The following RABL6 variants were observed in gnomAD, a reference collection of about 807,000 sequenced individuals.
RABL6 encodes RAB, member RAS oncogene family like 6.
Under a neutral mutation model 72.9 loss-of-function variants are expected in RABL6, and 28 were observed. The observed-to-expected ratio is 0.38, with a 90% CI of 0.28 to 0.53. The LOEUF (loss-of-function observed/expected upper bound fraction) is 0.53. RABL6 is among the 20% of genes least tolerant of loss of function. The probability of loss-of-function intolerance (pLI) is 0.80; values close to 1 mark genes in which losing one functional copy is unlikely to be tolerated. For synonymous variants in RABL6, 477 were observed against 421.2 expected (o/e 1.13, Z -1.62); for missense variants, 1,029 against 1,008.4 (o/e 1.02, Z -0.28).
intron 2 of RABL6, among the ~76,000 whole-genome samples, 193 bp from the exon 3 acceptor site, chr9:136,825,586 T>G (rs1848338161): frequency 6.6e-6 from 1 of 152,146 alleles, no homozygotes; most frequent in South Asian, 2.1e-4. Flanking sequence ...TCACTGAAGC[T>G]GTGTCTGAGC....
chr9:136,819,045 G>A (rs959477422), intron 1 of RABL6, among the ~76,000 whole-genome samples: 33 of 151,524 alleles, frequency 2.2e-4, no homozygotes, highest in South Asian at 4.2e-4. Context: ...TGTCCAGGCC[G>A]GGCGCGGTGG....
chr9:136,817,156 ACGAGAAGCAG>A (rs1848136799), intron 1 of RABL6, among the ~76,000 whole-genome samples: 1 of 134,920 alleles, frequency 7.4e-6, no homozygotes, highest in East Asian at 2.4e-4. Context: ...GAGAAGCAGC[ACGAGAAGCAG>A]CACTAACTCA....
At chr9:136,824,056 G>C (rs956173225) in intron 2 of RABL6, among the ~76,000 whole-genome samples, 1 of 152,204 alleles carries the variant, frequency 6.6e-6, no homozygotes, top group Non-Finnish European at 1.5e-5. Context: ...TAAGACCTTT[G>C]TTTGAGCCTT....
rs764728707 is a variant in RABL6 at position 136,837,673 on chromosome 9, G to C, written c.1126+11G>C. On this transcript the variant is annotated intron_variant, in intron 9 of 14. Coordinates refer to ENST00000311502, the MANE Select transcript of RABL6 (RefSeq NM_024718.5). ...CCCCTCCACCTCCAGGTAGGCCCTGGAGCTGCCCCTCCCAAACTGGTCCCA... is the reference window on the plus strand; with the variant it reads ...CCCCTCCACCTCCAGGTAGGCCCTGCAGCTGCCCCTCCCAAACTGGTCCCA... 2 of 1,570,600 alleles carry C rather than the reference G, an allele frequency of 1.3e-6. No individual in the cohort carries two copies. The highest frequency in any genetic ancestry group is 1.2e-5 in the South Asian group (1 of 85,406).
intron 1 of RABL6, among the ~76,000 whole-genome samples, chr9:136,817,586 C>CGTGGGCTGAGGGGAGGCCGAT (rs1475374470): frequency 2.6e-5 from 4 of 150,982 alleles, no homozygotes; most frequent in Non-Finnish European, 5.9e-5. Flanking sequence ...GGGAGGCCGA[C>CGTGGGCTGAGGGGAGGCCGAT]GTGGGCTGAG....
At chr9:136,821,284 C>T (rs879530721) in intron 1 of RABL6, 1 of 971,886 alleles carries the variant, frequency 1.0e-6, no homozygotes, top group Non-Finnish European at 1.2e-6. Flanking sequence ...GGAAAACGGG[C>T]GGTCGCTGTG....
chr9:136,823,699 C>A, intron 2 of RABL6, 40 bp downstream of exon 2: 1 of 1,557,780 alleles, frequency 6.4e-7, no homozygotes, highest in Non-Finnish European at 8.7e-7. Context: ...GGGCTCCAGG[C>A]TTCTCCTCCC....
intron 1 of RABL6, among the ~76,000 whole-genome samples, chr9:136,820,200 CAAA>C (rs34975162): frequency 0.042 from 3,261 of 77,860 alleles, 128 homozygotes; most frequent in African/African-American, 0.14. Flanking sequence ...CTCCATCTTC[CAAA>C]AAAAAAAAAA....
rs766655068 is a variant in RABL6 at position 136,823,636 on chromosome 9, C to G, written c.242C>G (p.Thr81Ser). Residue 81 changes from threonine to serine, a missense_variant, in exon 2 of 15, where the codon ACC becomes AGC. Thr to Ser is a moderately conservative substitution (Grantham distance 58, BLOSUM62 1). Transcript: ENST00000311502. ...EYIPTQEIQVTSIHWSYKTTD... is the reference protein window; with the variant it reads ...EYIPTQEIQVSSIHWSYKTTD... ...ATCCCCACACAGGAGATCCAGGTCA[C>G]CAGCATCCACTGGAGCTACAAGAGT... 3.1e-6 allele frequency: 5 copies of G among 1,612,608 alleles called. No individual in the cohort carries two copies. Among genetic ancestry groups the G allele is most frequent in the Non-Finnish European group, 4.2e-6 (5 of 1,179,166 alleles).
intron 5 of RABL6, 116 bp from the exon 6 acceptor site, chr9:136,831,605 G>A (rs1848475088): frequency 4.1e-6 from 6 of 1,448,216 alleles, no homozygotes; most frequent in East Asian, 2.3e-5. Flanking sequence ...TGCTGGGTTG[G>A]ATGTTGGAAA....
intron 1 of RABL6, chr9:136,814,528 T>G (rs1848077794): frequency 6.6e-6 from 1 of 152,000 alleles, no homozygotes; most frequent in Non-Finnish European, 1.5e-5. Context: ...AAGTTCAGGT[T>G]TCCAACAAAG....
rs532754447 is a variant in RABL6 at position 136,840,618 on chromosome 9, G to C, written c.*96G>C. On this transcript the variant is annotated 3_prime_UTR_variant, in exon 15 of 15. Transcript: ENST00000311502. Reference sequence around the variant, plus strand: ...GTACCATCGCCTTTGCCGCTGCCCCGTGGCTGCCGTGTGCGCTTCTGAGCT... The same window carrying C: ...GTACCATCGCCTTTGCCGCTGCCCCCTGGCTGCCGTGTGCGCTTCTGAGCT... The C allele has an allele frequency of 2.5e-5, 39 of 1,549,638 alleles. No homozygotes were observed. The African/African-American group carries it at 5.1e-4, about 20-fold the overall frequency.
intron 1 of RABL6, chr9:136,822,193 C>G (rs929073369): frequency 9.8e-6 from 9 of 913,978 alleles, no homozygotes; most frequent in South Asian, 5.0e-5. Context: ...GACAGAAAAC[C>G]TGGGGGGGGC....
At chr9:136,833,959 A>T in intron 7 of RABL6, 1 of 1,543,326 alleles carries the variant, frequency 6.5e-7, no homozygotes, top group Non-Finnish European at 8.8e-7. Flanking sequence ...CCATTCCCTA[A>T]TGGTTTGCCC....
chr9:136,821,672 G>C, intron 1 of RABL6: 1 of 991,018 alleles, frequency 1.0e-6, no homozygotes, highest in African/African-American at 1.7e-5. Context: ...CCGCCGCGCT[G>C]GGGCCTGGCT....
intron 10 of RABL6, among the ~76,000 whole-genome samples, chr9:136,838,568 G>A (rs1403895542): frequency 1.3e-5 from 2 of 152,274 alleles, no homozygotes; most frequent in Non-Finnish European, 2.9e-5. Context: ...CTCACCCATT[G>A]CTGTGGGGCA....
chr9:136,818,061 C>CAAAA (rs35850059), intron 1 of RABL6, among the ~76,000 whole-genome samples: 28 of 78,446 alleles, frequency 3.6e-4, no homozygotes, highest in East Asian at 1.0e-3. Context: ...GACTCCATCT[C>CAAAA]AAAAAAAAAA....
At position 136,832,303 on chromosome 9, in the gene RABL6, C is replaced by T; in HGVS notation, c.638C>T (p.Ser213Phe). The change falls in exon 7 of 15, where the codon TCC (serine) becomes TTC (phenylalanine). Residue 213 changes from serine to phenylalanine, a missense_variant. By Grantham distance (155) the Ser-to-Phe change is radical. Transcript: ENST00000311502. The part of the protein sequence containing the change: ...GSSYFRYAES[S>F]MKNSFGLKYL... ...TCCTACTTCCGCTATGCTGAGTCTT[C>T]CATGAAGAACAGCTTCGGCCTAAAG... The T allele has an allele frequency of 6.2e-7, 1 of 1,613,900 alleles. No homozygotes were observed.
intron 1 of RABL6, among the ~76,000 whole-genome samples, chr9:136,819,036 GTC>G (rs1214471853): frequency 6.6e-6 from 1 of 151,934 alleles, no homozygotes; most frequent in Non-Finnish European, 1.5e-5. Context: ...AAACCACCTT[GTC>G]CAGGCCGGGC....
Sources: allele counts gnomAD v4.1 joint callset (sites outside exome capture counted in the v4.1 genomes callset), GRCh38; gene constraint gnomAD v4.1.1; transcripts MANE v1.5; gene names NCBI Gene and HGNC (gene_info 2026-07-23, HGNC 2026-07-21).